FRMPD2: variants seen among roughly 807,000 people sequenced by gnomAD.
FRMPD2 encodes the protein FERM and PDZ domain containing 2.
FRMPD2 carries 96 observed loss-of-function variants against 140.1 expected under a neutral mutation model. The ratio of observed to expected loss-of-function variants is 0.69; its 90% CI spans 0.58 to 0.81. FRMPD2 has a LOEUF of 0.81. FRMPD2 is among the 40% of genes least tolerant of loss of function. The pLI, the probability that FRMPD2 is intolerant of heterozygous loss-of-function variation, is 0.00. For synonymous variants in FRMPD2, 449 were observed against 547.6 expected (o/e 0.82, Z 2.52); for missense variants, 1,240 against 1,447.4 (o/e 0.86, Z 2.32).
chr10:48,232,260 G>A lies in FRMPD2; in HGVS notation c.1023C>T (p.Leu341=). 1.9e-6 allele frequency: 3 copies of A among 1,612,848 alleles called. No homozygotes were observed. In the East Asian group the frequency reaches 6.7e-5, roughly 36 times the overall value. ...VTKKGKSYLA[L]RDLCVVLLNG... ...TCAGCAGGACCACACAGAGGTCCCT[G>A]AGAGCCAAATAGGATTTCCCTTTTT... Residue 341 remains leucine (L), a synonymous_variant, in exon 10 of 29, where the codon CTC becomes CTT. Transcript: ENST00000374201.
intron 1 of FRMPD2, among the ~76,000 whole-genome samples, chr10:48,255,927 G>T (rs1588857702): frequency 6.6e-6 from 1 of 152,224 alleles, no homozygotes; most frequent in Non-Finnish European, 1.5e-5. Flanking sequence ...GAGTTGGAGA[G>T]GTGGGCGGGT....
At position 48,232,265 on chromosome 10, in the gene FRMPD2, C is replaced by A. The variant is rs761886147; in HGVS notation, c.1018G>T (p.Ala340Ser). Residue 340 changes from alanine to serine, a missense_variant, in exon 10 of 29, where the codon GCT becomes TCT. Around this residue, in one of 6 missense-constraint regions of FRMPD2, gnomAD observed 1,161 missense variants for 1,055.9 expected, o/e 1.10. Coordinates refer to ENST00000374201, the MANE Select transcript of FRMPD2 (RefSeq NM_001018071.4). The part of the protein sequence containing the change: ...VVTKKGKSYL[A>S]LRDLCVVLLN... ...AGGACCACACAGAGGTCCCTGAGAG[C>A]CAAATAGGATTTCCCTTTTTTGGTC... is the stretch of plus-strand genomic sequence containing the variant. 1.2e-5 allele frequency: 20 copies of A among 1,611,566 alleles called. No homozygotes were observed. The highest frequency in any genetic ancestry group is 1.7e-5 in the Non-Finnish European group (20 of 1,178,652).
At chr10:48,183,943 C>T (rs998448466) in intron 20 of FRMPD2, among the ~76,000 whole-genome samples, 1 of 150,656 alleles carries the variant, frequency 6.6e-6, no homozygotes, top group Non-Finnish European at 1.5e-5. Context: ...AGGGGAACAA[C>T]ACACACCAGA....
At chr10:48,244,728 A>T (rs997544544) in intron 4 of FRMPD2, 56 bp downstream of exon 4, 1 of 1,364,466 alleles carries the variant, frequency 7.3e-7, no homozygotes, top group Admixed American at 1.7e-5. Context: ...GGAGAAAACC[A>T]CTAAATAAAC....
intron 20 of FRMPD2, among the ~76,000 whole-genome samples, chr10:48,183,670 T>C (rs1158929054): frequency 1.3e-5 from 2 of 151,330 alleles, no homozygotes; most frequent in African/African-American, 4.9e-5. Context: ...GGCCAACATA[T>C]TGAAACCCCG....
At chr10:48,161,168 G>T (rs1837929527) in intron 28 of FRMPD2, among the ~76,000 whole-genome samples, 1 of 150,562 alleles carries the variant, frequency 6.6e-6, no homozygotes, top group Non-Finnish European at 1.5e-5. Context: ...TGTGGGCCCG[G>T]CAGTGAGTAT....
At position 48,206,560 on chromosome 10, in the gene FRMPD2, C is replaced by A. The variant is rs561032117; in HGVS notation, c.1797+188G>T. ...AAGAAATGGCCTCCTGAGGACCTCC[C>A]AAAATCCCTTGGCAGACTTCTTCCA... On this transcript the variant is annotated intron_variant, in intron 14 of 28. Coordinates refer to ENST00000374201, the MANE Select transcript of FRMPD2 (RefSeq NM_001018071.4). 7.9e-5 allele frequency among the ~76,000 whole-genome samples: 12 copies of A among 152,286 alleles called. No homozygotes were observed. In the South Asian group the frequency reaches 2.5e-3, roughly 32 times the overall value.
intron 2 of FRMPD2, among the ~76,000 whole-genome samples, chr10:48,250,775 A>G (rs1321423614): frequency 6.7e-6 from 1 of 148,990 alleles, no homozygotes. Context: ...TCCCCTGTTT[A>G]GAACACAGAG....
intron 1 of FRMPD2, among the ~76,000 whole-genome samples, chr10:48,270,551 C>A (rs1193403426): frequency 6.6e-6 from 1 of 152,180 alleles, no homozygotes; most frequent in Non-Finnish European, 1.5e-5. Context: ...CTTCAAATCA[C>A]TCTACATGCT....
intron 1 of FRMPD2, among the ~76,000 whole-genome samples, chr10:48,255,031 C>A (rs755682472): frequency 2.6e-5 from 4 of 152,176 alleles, no homozygotes; most frequent in Non-Finnish European, 4.4e-5. Context: ...GATCCCACTG[C>A]GTAGAGAGAT....
At chr10:48,218,205 C>A (rs1839496857) in intron 12 of FRMPD2, among the ~76,000 whole-genome samples, 1 of 152,116 alleles carries the variant, frequency 6.6e-6, no homozygotes, top group Non-Finnish European at 1.5e-5. Flanking sequence ...ACCCTAACAG[C>A]CTCATCTCAA....
In FRMPD2 at chr10:48,242,213, G is replaced by A; in HGVS notation, c.515C>T (p.Ala172Val). The change falls in exon 5 of 29, where the codon GCT becomes GTT. Residue 172 changes from alanine (A) to valine (V), a missense_variant. Ala to Val is a moderately conservative substitution (Grantham distance 64). Around this residue, in one of 6 missense-constraint regions of FRMPD2, gnomAD observed 1,161 missense variants for 1,055.9 expected, o/e 1.10. Transcript: ENST00000374201. ...AACCAGCCTTCTGATGTGGAGACCA[G>A]CAGGGGCTGGGTAGACAGACACTTC... The part of the protein sequence containing the change: ...EKEVSVYPAP[A>V]GLHIRRLVGL... 2 of 1,614,220 alleles carry A rather than the reference G, an allele frequency of 1.2e-6. No individual in the cohort carries two copies. The highest frequency in any genetic ancestry group is 3.3e-5 in the Admixed American group (2 of 60,030).
Position 48,206,758 on chromosome 10 carries a change from A to G in FRMPD2, c.1787T>C (p.Ile596Thr), listed in dbSNP as rs964890148. The change falls in exon 14 of 29, where the codon ATT becomes ACT. Residue 596 changes from isoleucine to threonine, a missense_variant. By Grantham distance (89) the Ile-to-Thr change is moderately conservative (BLOSUM62 -1). Around this residue, in one of 6 missense-constraint regions of FRMPD2, gnomAD observed 1,161 missense variants for 1,055.9 expected, o/e 1.10. Coordinates refer to ENST00000374201, the MANE Select transcript of FRMPD2 (RefSeq NM_001018071.4). The part of the protein sequence containing the change: ...LRFQWRETGK[I>T]STYQKKFTIT... ...CTGAGCTACACTCACATAAGTAGAAATCTTCCCGGTTTCTCTCCACTGAAA... is the reference window on the plus strand; with the variant it reads ...CTGAGCTACACTCACATAAGTAGAAGTCTTCCCGGTTTCTCTCCACTGAAA... 2 of 1,613,832 alleles carry G rather than the reference A, an allele frequency of 1.2e-6. No homozygotes were observed. Among genetic ancestry groups the G allele is most frequent in the Non-Finnish European group, 1.7e-6 (2 of 1,179,742 alleles).
At position 48,207,479 on chromosome 10, in the gene FRMPD2, C is replaced by G. The variant is rs916325839; in HGVS notation, c.1612-546G>C. 2.8e-4 allele frequency among the ~76,000 whole-genome samples: 43 copies of G among 152,150 alleles called. 1 individual carries two copies. The highest frequency in any genetic ancestry group is 9.7e-4 in the African/African-American group (40 of 41,432). On this transcript the variant is annotated intron_variant, in intron 13 of 28. Coordinates refer to ENST00000374201, the MANE Select transcript of FRMPD2 (RefSeq NM_001018071.4). ...GGTGCTCCTCACCATGTAGCAATGC[C>G]TTCGTGGGGGTCCCCGTAGCCCAGG...
chr10:48,236,625 A>G (rs1411156345), intron 8 of FRMPD2, 72 bp from the exon 9 acceptor site: 5 of 1,387,000 alleles, frequency 3.6e-6, no homozygotes, highest in Non-Finnish European at 5.1e-6. Flanking sequence ...TTCCCCCATG[A>G]TGCACCTCTG....
intron 25 of FRMPD2, 43 bp downstream of exon 25, chr10:48,172,903 C>A (rs868930117): frequency 2.2e-6 from 2 of 893,946 alleles, no homozygotes; most frequent in Non-Finnish European, 1.8e-6. Flanking sequence ...AAGCGGCACA[C>A]AATAACATGA....
At chr10:48,242,010 G>A (rs1023250241) in intron 5 of FRMPD2, 151 bp downstream of exon 5, 5 of 544,896 alleles carry the variant, frequency 9.2e-6, no homozygotes, top group Admixed American at 3.2e-5. Flanking sequence ...CACCTGCTAC[G>A]AGTGGCAACG....
chr10:48,209,517 T>C (rs868829735), intron 13 of FRMPD2, among the ~76,000 whole-genome samples: 2 of 152,186 alleles, frequency 1.3e-5, no homozygotes, highest in African/African-American at 4.8e-5. Flanking sequence ...ATAATGGTCT[T>C]CTCCTTTTTC....
chr10:48,262,291 G>A (rs1356519683), intron 1 of FRMPD2, among the ~76,000 whole-genome samples: 1 of 152,120 alleles, frequency 6.6e-6, no homozygotes, highest in Non-Finnish European at 1.5e-5. Context: ...AAACTAAAAG[G>A]ATGTAGACAG....
Sources: gnomAD v4.1 joint callset for allele counts (sites outside exome capture counted in the v4.1 genomes callset) on GRCh38, gnomAD v4.1.1 for gene constraint, gnomAD v4.1.1 regional missense constraint, MANE v1.5 for transcripts, NCBI Gene and HGNC (gene_info 2026-07-23, HGNC 2026-07-21) for gene names.